The following TVP23A variants were observed in gnomAD, a reference collection of about 807,000 sequenced individuals.
TVP23A encodes Golgi apparatus membrane protein TVP23 homolog A.
Under a neutral mutation model 31.7 loss-of-function variants are expected in TVP23A, and 21 were observed. The ratio of observed to expected loss-of-function variants is 0.66; its 90% CI spans 0.47 to 0.95. The LOEUF (loss-of-function observed/expected upper bound fraction) is 0.95. Ranked by LOEUF, TVP23A falls within the 40% of genes least tolerant of loss-of-function variation. The pLI, the probability that TVP23A is intolerant of heterozygous loss-of-function variation, is 0.00. For synonymous variants in TVP23A, 104 were observed against 96.0 expected (o/e 1.08, Z -0.49); for missense variants, 279 against 255.6 (o/e 1.09, Z -0.62).
chr16:10,765,234 C>G (rs893425266), downstream of TVP23A: 1 of 144,782 alleles, frequency 6.9e-6, no homozygotes, highest in African/African-American at 2.6e-5. The surrounding 1 kb of genome is among the most constrained non-coding windows in gnomAD (Gnocchi z 4.0). Flanking sequence ...TCTCCTGATA[C>G]TAAATGATAG....
chr16:10,790,567 G>A (rs1567297113), intron 2 of TVP23A, among the ~76,000 whole-genome samples: 3 of 152,196 alleles, frequency 2.0e-5, no homozygotes, highest in East Asian at 1.9e-4. Context: ...TTACAGGTGT[G>A]AGCCACTGCG....
chr16:10,816,190 G>GCACTATAT (rs2034428080), intron 2 of TVP23A, among the ~76,000 whole-genome samples: 1 of 138,070 alleles, frequency 7.2e-6, no homozygotes, highest in South Asian at 2.2e-4. Flanking sequence ...TTGTACTACT[G>GCACTATAT]CACTATATAG....
chr16:10,809,449 T>C (rs1399569886), intron 2 of TVP23A, among the ~76,000 whole-genome samples: 3 of 152,152 alleles, frequency 2.0e-5, no homozygotes, highest in Non-Finnish European at 2.9e-5. Flanking sequence ...AACAGAGTCA[T>C]AGAAAAGGTT....
intron 2 of TVP23A, among the ~76,000 whole-genome samples, chr16:10,811,822 T>C (rs2034213884): frequency 7.0e-6 from 1 of 143,338 alleles, no homozygotes; most frequent in Non-Finnish European, 1.5e-5. Context: ...GAGAATGGCG[T>C]GAACCCGGGA....
chr16:10,762,652 A>C (rs941551360), downstream of TVP23A, among the ~76,000 whole-genome samples: 5 of 152,228 alleles, frequency 3.3e-5, no homozygotes, highest in African/African-American at 9.6e-5. Flanking sequence ...AGAAGGCTGG[A>C]GGGGAGGCCG....
At position 10,779,098 on chromosome 16, in the gene TVP23A, T is replaced by A. The variant is rs76208915; in HGVS notation, c.90-4002A>T. On this transcript the variant is annotated intron_variant, in intron 2 of 7. Transcript: ENST00000299866. This position sits in a 1 kb window ranked among gnomAD's most constrained non-coding sequence, Gnocchi z 4.9. Reference sequence around the variant, plus strand: ...TCTTTTTTCTTTTTGGCTGTGGCTCTCCTAAAATAAAATGCAGAAAAATTT... The same window carrying A: ...TCTTTTTTCTTTTTGGCTGTGGCTCACCTAAAATAAAATGCAGAAAAATTT... 0.016 allele frequency among the ~76,000 whole-genome samples: 2,507 copies of A among 152,290 alleles called. 49 individuals are homozygous for A. The highest frequency in any genetic ancestry group is 0.053 in the African/African-American group (2,209 of 41,532).
chr16:10,766,843 C>T lies in TVP23A; in HGVS notation c.*2259G>A. 1 of 398,072 alleles carries T rather than the reference C, an allele frequency of 2.5e-6. No individual in the cohort carries two copies. The highest frequency in any genetic ancestry group is 3.6e-5 in the East Asian group (1 of 28,082). The allele number at this position is 398,072 out of a possible 1,614,324, so 24.7% of individuals were successfully genotyped here. A position where few individuals can be genotyped will look rare whatever the true frequency, so the allele number is the denominator to read the frequency against. ...AAACGAAAAGGATGAAGTAAAGTTA[C>T]AAAGTCATTTACGGCATACGTCCTA... On this transcript the variant is annotated 3_prime_UTR_variant, in exon 8 of 8. Transcript: ENST00000299866. This position sits in a 1 kb window ranked among gnomAD's most constrained non-coding sequence, Gnocchi z 4.8.
At chr16:10,810,382 A>G (rs1391434636) in intron 2 of TVP23A, among the ~76,000 whole-genome samples, 1 of 152,002 alleles carries the variant, frequency 6.6e-6, no homozygotes. Context: ...TCCCGTCTCT[A>G]CAAAAAATAG....
intron 4 of TVP23A, 127 bp downstream of exon 4, chr16:10,773,912 C>T: frequency 4.1e-6 from 3 of 736,558 alleles, no homozygotes; most frequent in Middle Eastern, 3.9e-4. Flanking sequence ...TTCACCAGAG[C>T]ACCTTGGCAA....
At chr16:10,783,732 A>G (rs1284149824) in intron 2 of TVP23A, among the ~76,000 whole-genome samples, 1 of 152,208 alleles carries the variant, frequency 6.6e-6, no homozygotes, top group Admixed American at 6.5e-5. Context: ...GTACATCCAG[A>G]CAACAGAATG....
chr16:10,761,298 C>T (rs1190430807), exon 9 of TVP23A: 10 of 1,428,652 alleles, frequency 7.0e-6, no homozygotes, highest in African/African-American at 4.2e-5. Flanking sequence ...GCCATCCCCT[C>T]GGTTGCACAG....
chr16:10,813,635 C>A (rs1238382992), intron 2 of TVP23A, among the ~76,000 whole-genome samples: 2 of 152,062 alleles, frequency 1.3e-5, no homozygotes, highest in African/African-American at 4.8e-5. Context: ...TCTAAAACAA[C>A]ACACATATGA....
At chr16:10,769,239 A>G in intron 7 of TVP23A, 138 bp from the exon 8 acceptor site, 1 of 679,924 alleles carries the variant, frequency 1.5e-6, no homozygotes, top group African/African-American at 1.8e-5. Flanking sequence ...GTCCGAAGCC[A>G]CTTTCTCAGA....
At chr16:10,813,440 T>G (rs1362894425) in intron 2 of TVP23A, among the ~76,000 whole-genome samples, 2 of 152,182 alleles carry the variant, frequency 1.3e-5, no homozygotes, top group Non-Finnish European at 2.9e-5. Context: ...GATTCTTAAC[T>G]TTTTTGGATC....
At chr16:10,774,226 T>C (rs1304990707) in intron 3 of TVP23A, 98 bp from the exon 4 acceptor site, 4 of 858,468 alleles carry the variant, frequency 4.7e-6, no homozygotes, top group Non-Finnish European at 7.1e-6. Flanking sequence ...TTCAGACTTG[T>C]ACTGGGAGCA....
At chr16:10,784,066 C>T (rs1214631011) in intron 2 of TVP23A, among the ~76,000 whole-genome samples, 1 of 152,100 alleles carries the variant, frequency 6.6e-6, no homozygotes, top group Non-Finnish European at 1.5e-5. Context: ...CGTGGTGGCT[C>T]ATGCCTGCCT....
intron 2 of TVP23A, among the ~76,000 whole-genome samples, chr16:10,806,172 G>A (rs1234757050): frequency 2.0e-5 from 3 of 152,062 alleles, no homozygotes; most frequent in East Asian, 1.9e-4. Flanking sequence ...GTGACTCCTC[G>A]TCTCTACTAA....
downstream of TVP23A, chr16:10,761,715 G>A: frequency 1.3e-6 from 2 of 1,504,800 alleles, no homozygotes; most frequent in Non-Finnish European, 1.8e-6. Context: ...TTGTGATTCT[G>A]CAAAAAAATT....
intron 2 of TVP23A, among the ~76,000 whole-genome samples, chr16:10,810,280 G>A (rs2034135388): frequency 6.6e-6 from 1 of 152,094 alleles, no homozygotes; most frequent in South Asian, 2.1e-4. Context: ...CTCATGCAGT[G>A]GCTCATGGCT....
Sources: allele counts gnomAD v4.1 joint callset (sites outside exome capture counted in the v4.1 genomes callset), GRCh38; gene constraint gnomAD v4.1.1; non-coding constraint Gnocchi (gnomAD v3.1); transcripts MANE v1.5; gene names NCBI Gene and HGNC (gene_info 2026-07-23, HGNC 2026-07-21).